Variants in CACNG2 observed in about 807,000 individuals in gnomAD.
CACNG2 encodes the protein calcium voltage-gated channel auxiliary subunit gamma 2.
Under a neutral mutation model 25.9 loss-of-function variants are expected in CACNG2, and 3 were observed. The ratio of observed to expected loss-of-function variants is 0.12; its 90% CI spans 0.05 to 0.30. CACNG2 has a LOEUF of 0.30. Among genes scored for constraint, CACNG2 ranks in the 10% least tolerant of loss-of-function variants. CACNG2 has a pLI of 1.00. For synonymous variants in CACNG2, 167 were observed against 173.3 expected (o/e 0.96, Z 0.29); for missense variants, 341 against 432.5 (o/e 0.79, Z 1.88).
At chr22:36,629,176 T>G (rs558756345) in intron 1 of CACNG2, among the ~76,000 whole-genome samples, 6 of 152,324 alleles carry the variant, frequency 3.9e-5, no homozygotes, top group African/African-American at 1.4e-4. Flanking sequence ...ATTGAGTGAG[T>G]TGGGTAAGAC....
chr22:36,600,169 G>T (rs931724349), intron 1 of CACNG2, among the ~76,000 whole-genome samples: 1 of 152,196 alleles, frequency 6.6e-6, no homozygotes, highest in Non-Finnish European at 1.5e-5. Flanking sequence ...CACTCCCATG[G>T]AGTGTTATAC....
At chr22:36,672,390 T>C (rs1936964239) in intron 1 of CACNG2, among the ~76,000 whole-genome samples, 1 of 152,172 alleles carries the variant, frequency 6.6e-6, no homozygotes, top group African/African-American at 2.4e-5. Flanking sequence ...CCTCTTGAAC[T>C]CAAGCCGTCC....
intron 1 of CACNG2, among the ~76,000 whole-genome samples, chr22:36,596,067 G>A (rs1935673854): frequency 6.6e-6 from 1 of 152,262 alleles, no homozygotes; most frequent in Non-Finnish European, 1.5e-5. Flanking sequence ...GGGCTGAACA[G>A]ACTCTGTTTT....
intron 2 of CACNG2, among the ~76,000 whole-genome samples, chr22:36,579,222 T>A (rs1333168063): frequency 6.6e-6 from 1 of 151,782 alleles, no homozygotes; most frequent in African/African-American, 2.4e-5. Context: ...CTGACCAACA[T>A]GGTAAAAACC....
intron 1 of CACNG2, among the ~76,000 whole-genome samples, chr22:36,669,347 C>T (rs188483333): frequency 1.1e-3 from 165 of 145,468 alleles, no homozygotes; most frequent in African/African-American, 3.9e-3. Context: ...ACTAAAAATA[C>T]GAAAAAAAAA....
chr22:36,608,011 C>A (rs190182140), intron 1 of CACNG2, among the ~76,000 whole-genome samples: 1 of 152,306 alleles, frequency 6.6e-6, no homozygotes, highest in Admixed American at 6.5e-5. Flanking sequence ...GCATCTCCAA[C>A]TTTGCACCTT....
rs115836513 is a variant in CACNG2 at position 36,633,141 on chromosome 22, A to G, written c.212-45593T>C. The stretch of plus-strand genomic sequence containing the variant: ...GTGTAACCTTACAACTTCCTATCAG[A>G]TCATTCTGCATCCTTCTTACTTTAT... On this transcript the variant is annotated intron_variant, in intron 1 of 3. Transcript: ENST00000300105. Among the ~76,000 whole-genome samples, 1,044 of 152,286 alleles carry G rather than the reference A, an allele frequency of 6.9e-3. 18 individuals are homozygous for G. The highest frequency in any genetic ancestry group is 0.024 in the African/African-American group (997 of 41,554).
At chr22:36,694,208 T>A (rs1275177454) in intron 1 of CACNG2, among the ~76,000 whole-genome samples, 1 of 152,212 alleles carries the variant, frequency 6.6e-6, no homozygotes, top group Admixed American at 6.5e-5. Flanking sequence ...GGCTCGTATT[T>A]TAAGTTGCAA....
chr22:36,630,886 AGT>A (rs1423968312), intron 1 of CACNG2, among the ~76,000 whole-genome samples: 1 of 152,150 alleles, frequency 6.6e-6, no homozygotes, highest in Non-Finnish European at 1.5e-5. Context: ...GCTGGTGTGC[AGT>A]GGTACGATCT....
chr22:36,640,574 C>T (rs572821498), intron 1 of CACNG2, among the ~76,000 whole-genome samples: 27 of 152,338 alleles, frequency 1.8e-4, no homozygotes, highest in African/African-American at 6.3e-4. Flanking sequence ...TTCTGCATCT[C>T]GGTTTCCTCA....
At chr22:36,699,172 C>G (rs574984313) in intron 1 of CACNG2, among the ~76,000 whole-genome samples, 3 of 152,122 alleles carry the variant, frequency 2.0e-5, no homozygotes, top group African/African-American at 7.2e-5. Flanking sequence ...CACATACACA[C>G]TGTCATCTCC....
intron 2 of CACNG2, among the ~76,000 whole-genome samples, chr22:36,576,162 A>G (rs1258141267): frequency 1.3e-5 from 2 of 152,220 alleles, no homozygotes; most frequent in Non-Finnish European, 2.9e-5. Flanking sequence ...GTGGATAAAG[A>G]CTGTGGTATA....
At chr22:36,580,331 T>G (rs1414110141) in intron 2 of CACNG2, among the ~76,000 whole-genome samples, 1 of 152,154 alleles carries the variant, frequency 6.6e-6, no homozygotes, top group Non-Finnish European at 1.5e-5. Flanking sequence ...GTTCCACTCC[T>G]GCTGTTGGCT....
chr22:36,695,965 A>G (rs1816354322), intron 1 of CACNG2, among the ~76,000 whole-genome samples: 1 of 152,206 alleles, frequency 6.6e-6, no homozygotes, highest in South Asian at 2.1e-4. Flanking sequence ...CTAACCTGGA[A>G]ACGTACAATG....
At chr22:36,575,168 G>A (rs1245248176) in intron 2 of CACNG2, among the ~76,000 whole-genome samples, 1 of 152,262 alleles carries the variant, frequency 6.6e-6, no homozygotes, top group Non-Finnish European at 1.5e-5. Flanking sequence ...TAAGCAGGAA[G>A]AGGAATGTGG....
At chr22:36,591,575 A>G (rs1410317021) in intron 1 of CACNG2, among the ~76,000 whole-genome samples, 1 of 152,128 alleles carries the variant, frequency 6.6e-6, no homozygotes, top group East Asian at 1.9e-4. Context: ...TGGGAGTCTG[A>G]GGCAGGAGGA....
At position 36,580,996 on chromosome 22, in the gene CACNG2, T is replaced by C. The variant is rs572801454; in HGVS notation, c.295+6469A>G. On this transcript the variant is annotated intron_variant, in intron 2 of 3. Coordinates refer to ENST00000300105, the MANE Select transcript of CACNG2 (RefSeq NM_006078.5). Reference sequence around the variant, plus strand: ...AACACAGCACAGACTCATGCCCTCATGCACAAAGACAGATGCATGGATGCA... The same window carrying C: ...AACACAGCACAGACTCATGCCCTCACGCACAAAGACAGATGCATGGATGCA... Among the ~76,000 whole-genome samples the C allele has an allele frequency of 1.9e-4, 29 of 152,256 alleles. 1 individual carries two copies. The South Asian group carries it at 5.8e-3, about 30-fold the overall frequency.
At chr22:36,587,580 A>G (rs1569021504) in intron 1 of CACNG2, 32 bp from the exon 2 acceptor site, 1 of 1,539,722 alleles carries the variant, frequency 6.5e-7, no homozygotes, top group Admixed American at 1.7e-5. Context: ...AGCACATGAA[A>G]CATCATAGTT....
chr22:36,647,596 C>CAAA (rs34930900), intron 1 of CACNG2, among the ~76,000 whole-genome samples: 15,502 of 149,274 alleles, frequency 0.1, 2,005 homozygotes, highest in African/African-American at 0.31. Context: ...AACTCCATAT[C>CAAA]AAAAAAAAAA....
Sources: allele counts gnomAD v4.1 joint callset (sites outside exome capture counted in the v4.1 genomes callset), GRCh38; gene constraint gnomAD v4.1.1; transcripts MANE v1.5; gene names NCBI Gene and HGNC (gene_info 2026-07-23, HGNC 2026-07-21).